The following ANGEL2 variants were observed in gnomAD, a reference collection of about 807,000 sequenced individuals.
The protein encoded by ANGEL2 is RNA 2',3'-cyclic phosphatase ANGEL2.
ANGEL2 carries 41 observed loss-of-function variants against 66.0 expected under a neutral mutation model. The observed-to-expected ratio is 0.62, with a 90% CI of 0.48 to 0.81. ANGEL2 has a LOEUF of 0.81. ANGEL2 is among the 30% of genes least tolerant of loss of function. The pLI is 0.00. For missense variants in ANGEL2, 561 were observed against 641.6 expected (o/e 0.87, Z 1.36); for synonymous variants, 208 against 226.5 (o/e 0.92, Z 0.73).
intron 7 of ANGEL2, among the ~76,000 whole-genome samples, chr1:212,998,678 C>G (rs1056319985): frequency 5.3e-5 from 8 of 150,746 alleles, no homozygotes; most frequent in African/African-American, 2.0e-4. Flanking sequence ...CCCACCACCA[C>G]ACCTAGCTAA....
In ANGEL2 at chr1:213,013,341, C is replaced by A; in HGVS notation, c.137G>T (p.Cys46Phe). The A allele has an allele frequency of 6.2e-7, 1 of 1,614,142 alleles. No individual in the cohort carries two copies. The highest frequency in any genetic ancestry group is 8.5e-7 in the Non-Finnish European group (1 of 1,180,018). ...ACAACTAGAAATATGTCTGTTCCAG[C>A]AACACCTTTGCAGATTCTCCCACGG... Reference protein sequence around the residue: ...TTPWENLQRCCWNRHISSCMR... With the variant: ...TTPWENLQRCFWNRHISSCMR... Residue 46 changes from cysteine to phenylalanine, a missense_variant, in exon 2 of 9, where the codon TGC becomes TTC. Coordinates refer to ENST00000366962, the MANE Select transcript of ANGEL2 (RefSeq NM_144567.5).
intron 1 of ANGEL2, among the ~76,000 whole-genome samples, chr1:213,013,861 TAAC>T (rs1284683483): frequency 2.6e-5 from 4 of 152,236 alleles, no homozygotes; most frequent in Non-Finnish European, 4.4e-5. Flanking sequence ...CTTGGAGTAA[TAAC>T]AAGTTTCTGA....
rs189255456 is a variant in ANGEL2 at position 213,006,683 on chromosome 1, C to A, written c.712+446G>T. The A allele has an allele frequency of 2.4e-3, 375 of 157,124 alleles. 2 individuals are homozygous for A. Among genetic ancestry groups the A allele is most frequent in the African/African-American group, 8.7e-3 (360 of 41,578 alleles). The allele number at this position is 157,124 out of a possible 1,614,324, so 9.7% of individuals were successfully genotyped here. A position where few individuals can be genotyped will look rare whatever the true frequency, so the allele number is the denominator to read the frequency against. ...AGAAGCTTATAGGTCTACAGGTGGA[C>A]AGAACAACTCCTAGGAAAGGGAGCT... On this transcript the variant is annotated intron_variant, in intron 4 of 8. Transcript: ENST00000366962.
At position 212,993,100 on chromosome 1, in the gene ANGEL2, G is replaced by A. The variant is rs1558160293; in HGVS notation, c.*1941C>T. The A allele has an allele frequency of 6.6e-6, 1 of 152,200 alleles. No homozygotes were observed. Among genetic ancestry groups the A allele is most frequent in the Non-Finnish European group, 1.5e-5 (1 of 68,074 alleles). The allele number at this position is 152,200 out of a possible 1,614,324, so 9.4% of individuals were successfully genotyped here. ...GGCGGGTGGATCACCCCTGAGGTCAGGAGTTCAAGACCAGCCTGGCCAACA... is the reference window on the plus strand; with the variant it reads ...GGCGGGTGGATCACCCCTGAGGTCAAGAGTTCAAGACCAGCCTGGCCAACA... On this transcript the variant is annotated 3_prime_UTR_variant, in exon 9 of 9. Transcript: ENST00000366962.
At chr1:212,998,119 G>A (rs1245663473) in intron 7 of ANGEL2, among the ~76,000 whole-genome samples, 6 of 151,968 alleles carry the variant, frequency 3.9e-5, no homozygotes, top group African/African-American at 1.2e-4. Context: ...GGCCGGACGC[G>A]GTGGCTCACA....
intron 5 of ANGEL2, among the ~76,000 whole-genome samples, 200 bp downstream of exon 5, chr1:213,004,833 A>G (rs2076274650): frequency 7.5e-6 from 1 of 132,770 alleles, no homozygotes; most frequent in Non-Finnish European, 1.5e-5. Context: ...ATGACACTGC[A>G]CTCCAGCCTG....
intron 5 of ANGEL2, among the ~76,000 whole-genome samples, chr1:213,002,397 T>C (rs541273015): frequency 2.6e-5 from 4 of 152,372 alleles, no homozygotes; most frequent in African/African-American, 9.6e-5. Context: ...CCCCAAGCTT[T>C]GTTTTTCCAC....
Position 212,997,137 on chromosome 1 carries a change from A to G in ANGEL2, c.1483+18T>C. 1 of 1,607,520 alleles carries G rather than the reference A, an allele frequency of 6.2e-7. No homozygotes were observed. Among genetic ancestry groups the G allele is most frequent in the Non-Finnish European group, 8.5e-7 (1 of 1,174,970 alleles). ...ACTGTGCTCTCTAGGAGAATTTAAG[A>G]TTACATGCATTCCTTACCTGGGTGC... On this transcript the variant is annotated intron_variant, in intron 8 of 8. Coordinates refer to ENST00000366962, the MANE Select transcript of ANGEL2 (RefSeq NM_144567.5).
intron 6 of ANGEL2, 45 bp from the exon 7 acceptor site, chr1:213,000,428 G>T: frequency 6.5e-7 from 1 of 1,528,464 alleles, no homozygotes; most frequent in Non-Finnish European, 9.0e-7. Flanking sequence ...GTTCTAGTTT[G>T]CCTTAATATC....
At chr1:213,007,878 T>TC (rs2076382063) in intron 3 of ANGEL2, among the ~76,000 whole-genome samples, 1 of 151,836 alleles carries the variant, frequency 6.6e-6, no homozygotes, top group African/African-American at 2.4e-5. Flanking sequence ...TTTTTTTTTT[T>TC]TTGAGGCAGA....
At chr1:212,997,004 C>G (rs904230993) in intron 8 of ANGEL2, 151 bp downstream of exon 8, 4 of 678,632 alleles carry the variant, frequency 5.9e-6, no homozygotes, top group Non-Finnish European at 9.5e-6. Flanking sequence ...CTGATTTATT[C>G]AAATATATTA....
In ANGEL2 at chr1:213,013,327, T is replaced by C; in HGVS notation, c.151A>G (p.Ile51Val). Residue 51 changes from isoleucine (I) to valine (V), a missense_variant, in exon 2 of 9, where the codon ATT becomes GTT. Coordinates refer to ENST00000366962, the MANE Select transcript of ANGEL2 (RefSeq NM_144567.5). ...NLQRCCWNRH[I>V]SSCMRWPGHY... ...CCAGGCCACCTCATACAACTAGAAA[T>C]ATGTCTGTTCCAGCAACACCTTTGC... 1 of 1,614,100 alleles carries C rather than the reference T, an allele frequency of 6.2e-7. No individual in the cohort carries two copies.
In ANGEL2 at chr1:213,005,369, CAA is replaced by C. The variant is rs1163522558; in HGVS notation, c.796_797del (p.Leu266ValfsTer11). The C allele has an allele frequency of 3.1e-6, 5 of 1,614,182 alleles. No individual in the cohort carries two copies. Among genetic ancestry groups the C allele is most frequent in the East Asian group, 4.5e-5 (2 of 44,894 alleles). The part of the protein sequence containing the change: ...ICFKHSKFSL[L>X]SVNPVEFFRP... ...GGAAGAATTCCACTGGGTTCACTGA[CAA>C]GAGTGAAAATTTGGAATGTTTGAAG... On this transcript the variant is annotated frameshift_variant, in exon 5 of 9. Transcript: ENST00000366962. LOFTEE classifies it high-confidence loss of function.
intron 2 of ANGEL2, chr1:213,011,595 A>T (rs2076509955): frequency 8.2e-6 from 3 of 366,896 alleles, no homozygotes; most frequent in African/African-American, 2.2e-5. Flanking sequence ...TGTGTTAGGC[A>T]CTTTGACATA....
rs1397295609 is a variant in ANGEL2 at position 213,015,674 on chromosome 1, T to G, written c.-3A>C. 1 of 1,614,012 alleles carries G rather than the reference T, an allele frequency of 6.2e-7. No homozygotes were observed. The highest frequency in any genetic ancestry group is 8.5e-7 in the Non-Finnish European group (1 of 1,180,042). ...CTCACACAGCGCCAGGCTTCCATCT[T>G]CGCCCTCCGCGTGCGTCCAGTTCCC... On this transcript the variant is annotated 5_prime_UTR_variant, in exon 1 of 9. Coordinates refer to ENST00000366962, the MANE Select transcript of ANGEL2 (RefSeq NM_144567.5).
At chr1:213,015,512 C>T in intron 1 of ANGEL2, 101 bp downstream of exon 1, 1 of 1,491,024 alleles carries the variant, frequency 6.7e-7, no homozygotes. Flanking sequence ...CCTTCCACCC[C>T]TAGCCCGCCC....
Position 212,994,294 on chromosome 1 carries a change from TAAAATA to T in ANGEL2, c.*741_*746del, listed in dbSNP as rs1331887986. On this transcript the variant is annotated 3_prime_UTR_variant, in exon 9 of 9. Transcript: ENST00000366962. ...TGAAACTCCATCTCAAAAAATAAAA[TAAAATA>T]AAAATAAATAAATAAAAATGCTAGG... 6.6e-6 allele frequency: 1 copy of T among 151,808 alleles called. No individual in the cohort carries two copies. The highest frequency in any genetic ancestry group is 1.5e-5 in the Non-Finnish European group (1 of 68,020). 9.4% of individuals were successfully genotyped at this position (151,808 alleles called of 1,614,324 possible).
intron 5 of ANGEL2, among the ~76,000 whole-genome samples, chr1:213,002,840 C>T (rs1363456928): frequency 6.6e-6 from 1 of 151,514 alleles, no homozygotes; most frequent in African/African-American, 2.4e-5. Flanking sequence ...ATCGCTGGAA[C>T]CCAGGAGGCA....
chr1:213,004,888 A>G (rs79828561), intron 5 of ANGEL2, 145 bp downstream of exon 5: 2 of 611,398 alleles, frequency 3.3e-6, no homozygotes, highest in African/African-American at 3.8e-5. Context: ...AAAAAAAAAA[A>G]AAAAGTCATG....
Sources: gnomAD v4.1 joint callset for allele counts (sites outside exome capture counted in the v4.1 genomes callset) on GRCh38, gnomAD v4.1.1 for gene constraint, MANE v1.5 for transcripts, NCBI Gene and HGNC (gene_info 2026-07-23, HGNC 2026-07-21) for gene names.